SPRR2G: variants seen among roughly 807,000 people sequenced by gnomAD.
SPRR2G encodes the protein small proline-rich protein 2G.
In SPRR2G, 1 loss-of-function variant was observed where a neutral mutation model predicts 0.7. The ratio of observed to expected loss-of-function variants is 1.49; its 90% CI spans 0.53 to 7.06. SPRR2G has a LOEUF of 7.06. Ranked by LOEUF, SPRR2G falls within the 30% of genes most tolerant of loss-of-function variation. The pLI, the probability that SPRR2G is intolerant of heterozygous loss-of-function variation, is 0.14. For synonymous variants in SPRR2G, 38 were observed against 33.9 expected, an observed-to-expected ratio of 1.12 and a Z score of -0.42; for missense variants, 96 against 88.5, an observed-to-expected ratio of 1.09 and a Z score of -0.34.
At chr1:153,150,196 G>A in intron 1 of SPRR2G, 65 bp from the exon 2 acceptor site, 3 of 1,586,682 alleles carry the variant, frequency 1.9e-6, no homozygotes, top group East Asian at 2.2e-5. Flanking sequence ...CAATTAGCTA[G>A]GACATCAAAT....
At chr1:153,196,989 C>T in the SPRR2G span, among the ~76,000 whole-genome samples, 5 of 152,166 alleles carry the variant, frequency 3.3e-5, no homozygotes, top group East Asian at 1.9e-4. Flanking sequence ...CAGAGGAGTC[C>T]GGTAGAGCTT....
In SPRR2G at chr1:153,150,873, A is replaced by G. The variant is rs1054867303; in HGVS notation, c.-43T>C. On this transcript the variant is annotated 5_prime_UTR_variant, in exon 1 of 2. Coordinates refer to ENST00000368748, the MANE Select transcript of SPRR2G (RefSeq NM_001014291.4). ...TCACCAGAGTCTTCAAAGATCTACA[A>G]CTGAATGGCAAGAAGATAGCATCAG... 1 of 152,398 alleles carries G rather than the reference A, an allele frequency of 6.6e-6. No homozygotes were observed. The highest frequency in any genetic ancestry group is 1.5e-5 in the Non-Finnish European group (1 of 68,242). The allele number at this position is 152,398 out of a possible 1,614,324, so 9.4% of individuals were successfully genotyped here.
At chr1:153,189,124 A>AT in the SPRR2G span, among the ~76,000 whole-genome samples, 12 of 152,180 alleles carry the variant, frequency 7.9e-5, no homozygotes, top group African/African-American at 2.9e-4. Flanking sequence ...TCTTTAAGAA[A>AT]TTTTTTATCT....
At chr1:153,150,488 T>G (rs1037529008) in intron 1 of SPRR2G, among the ~76,000 whole-genome samples, 2 of 152,188 alleles carry the variant, frequency 1.3e-5, no homozygotes, top group Non-Finnish European at 2.9e-5. Context: ...TTACCAGTTT[T>G]AATGAGCTGG....
chr1:153,153,172 G>A (rs1011324820), upstream of SPRR2G, among the ~76,000 whole-genome samples: 1 of 152,130 alleles, frequency 6.6e-6, no homozygotes, highest in Non-Finnish European at 1.5e-5. Context: ...GAGTGGGGGA[G>A]AGACTAACTT....
chr1:153,182,373 C>T, the SPRR2G span, among the ~76,000 whole-genome samples: 2 of 138,624 alleles, frequency 1.4e-5, no homozygotes, highest in Non-Finnish European at 3.1e-5. Flanking sequence ...TTTGTCATGA[C>T]TTTTTTTTTT....
At chr1:153,168,963 A>G in the SPRR2G span, among the ~76,000 whole-genome samples, 1 of 150,352 alleles carries the variant, frequency 6.7e-6, no homozygotes, top group African/African-American at 2.5e-5. Flanking sequence ...TAGATCATCA[A>G]ATAAATCAGC....
chr1:153,186,303 T>G, the SPRR2G span, among the ~76,000 whole-genome samples: 1 of 152,184 alleles, frequency 6.6e-6, no homozygotes, highest in Non-Finnish European at 1.5e-5. Flanking sequence ...TGTCTAATAC[T>G]GATAGTGGGG....
the SPRR2G span, among the ~76,000 whole-genome samples, chr1:153,168,435 T>G: frequency 6.6e-6 from 1 of 152,212 alleles, no homozygotes; most frequent in Non-Finnish European, 1.5e-5. Flanking sequence ...GAAATTGATT[T>G]CCCTCACAGT....
At chr1:153,155,361 A>G (rs532565481), upstream of SPRR2G, among the ~76,000 whole-genome samples, 7 of 152,262 alleles carry the variant, frequency 4.6e-5, no homozygotes, top group East Asian at 1.2e-3. Flanking sequence ...AGTTACCTTG[A>G]CATTTTCGCC....
the SPRR2G span, among the ~76,000 whole-genome samples, chr1:153,170,234 A>T: frequency 2.6e-5 from 4 of 152,220 alleles, no homozygotes; most frequent in African/African-American, 9.6e-5. Context: ...TTAAGTTGTT[A>T]AGAGAGTTTA....
chr1:153,155,471 C>G (rs569840421), upstream of SPRR2G, among the ~76,000 whole-genome samples: 7 of 152,166 alleles, frequency 4.6e-5, no homozygotes, highest in Non-Finnish European at 1.0e-4. Context: ...CTGCCATGCC[C>G]TAGTTCAGAG....
rs1656427995 is a variant in SPRR2G at position 153,150,033 on chromosome 1, T to C, written c.78A>G (p.Pro26=). 1.2e-6 allele frequency: 2 copies of C among 1,613,492 alleles called. No homozygotes were observed. Among genetic ancestry groups the C allele is most frequent in the Non-Finnish European group, 1.7e-6 (2 of 1,179,894 alleles). Residue 26 remains proline (P), a synonymous_variant, in exon 2 of 2, where the codon CCA becomes CCG. Coordinates refer to ENST00000368748, the MANE Select transcript of SPRR2G (RefSeq NM_001014291.4). ...GCTCAGGGCACTTCGGGGGTGGACA[T>C]GGCTCTGGGCACTTTGGCGTGGGGC... The part of the protein sequence containing the change: ...PVCPTPKCPE[P]CPPPKCPEPY...
At chr1:153,171,286 C>A in the SPRR2G span, among the ~76,000 whole-genome samples, 1 of 152,100 alleles carries the variant, frequency 6.6e-6, no homozygotes, top group South Asian at 2.1e-4. Context: ...TGTGTCTTAC[C>A]ACACACAAAC....
the SPRR2G span, among the ~76,000 whole-genome samples, chr1:153,168,211 T>C: frequency 3.9e-5 from 6 of 152,194 alleles, no homozygotes; most frequent in Non-Finnish European, 8.8e-5. Context: ...CTCAGTTCCA[T>C]AGAAGAACCT....
chr1:153,171,076 G>A, the SPRR2G span, among the ~76,000 whole-genome samples: 1 of 152,146 alleles, frequency 6.6e-6, no homozygotes, highest in South Asian at 2.1e-4. Context: ...ACTTTGCTTG[G>A]CAAGGCTGTT....
chr1:153,199,572 C>T, the SPRR2G span, among the ~76,000 whole-genome samples: 1 of 152,178 alleles, frequency 6.6e-6, no homozygotes, highest in South Asian at 2.1e-4. Context: ...GCTGGGTGAG[C>T]AAGGGAAGAA....
chr1:153,189,283 T>C, the SPRR2G span, among the ~76,000 whole-genome samples: 1 of 152,134 alleles, frequency 6.6e-6, no homozygotes, highest in Non-Finnish European at 1.5e-5. Context: ...ACTACTCTCT[T>C]TGAAAGAATG....
chr1:153,174,424 A>G, the SPRR2G span: 1 of 152,272 alleles, frequency 6.6e-6, no homozygotes, highest in African/African-American at 2.4e-5. Context: ...CCACAAAACT[A>G]GCCTGGTGAG....
Sources: gnomAD v4.1 joint callset for allele counts (sites outside exome capture counted in the v4.1 genomes callset) on GRCh38, gnomAD v4.1.1 for gene constraint, MANE v1.5 for transcripts, NCBI Gene and HGNC (gene_info 2026-07-23, HGNC 2026-07-21) for gene names.